PDE3A: variants seen among roughly 807,000 people sequenced by gnomAD.
The protein encoded by PDE3A is cGMP-inhibited 3',5'-cyclic phosphodiesterase 3A.
Under a neutral mutation model 98.3 loss-of-function variants are expected in PDE3A, and 43 were observed. That is an observed-to-expected ratio of 0.44 (90% CI 0.34 to 0.56). The LOEUF is 0.56. Ranked by LOEUF, PDE3A falls within the 20% of genes least tolerant of loss-of-function variation. PDE3A has a pLI of 0.01. For missense variants in PDE3A, 1,427 were observed against 1,440.7 expected (o/e 0.99, Z 0.15); for synonymous variants, 663 against 567.9 (o/e 1.17, Z -2.38).
At chr12:20,664,781 C>A (rs946546019) in intron 15 of PDE3A, among the ~76,000 whole-genome samples, 1 of 152,156 alleles carries the variant, frequency 6.6e-6, no homozygotes, top group Non-Finnish European at 1.5e-5. Context: ...TCCATTAAAC[C>A]TCTTTTTTCT....
chr12:20,526,721 ATTTT>A (rs11353817), intron 1 of PDE3A, among the ~76,000 whole-genome samples: 1 of 147,462 alleles, frequency 6.8e-6, no homozygotes, highest in African/African-American at 2.5e-5. Context: ...TCTTAAACTG[ATTTT>A]TTTTTTTTTA....
chr12:20,676,253 G>C (rs1945635805), intron 15 of PDE3A, among the ~76,000 whole-genome samples: 1 of 152,098 alleles, frequency 6.6e-6, no homozygotes, highest in Non-Finnish European at 1.5e-5. Flanking sequence ...TTCTTGTAGT[G>C]CTGGTCTAGT....
intron 15 of PDE3A, among the ~76,000 whole-genome samples, chr12:20,667,172 T>C (rs1261845310): frequency 1.3e-5 from 2 of 152,210 alleles, no homozygotes; most frequent in East Asian, 3.8e-4. Flanking sequence ...ATATTCTGGA[T>C]ATTAGTTCCT....
intron 1 of PDE3A, among the ~76,000 whole-genome samples, chr12:20,407,736 T>A (rs959723409): frequency 4.6e-5 from 7 of 152,172 alleles, no homozygotes; most frequent in African/African-American, 9.7e-5. Flanking sequence ...TAAATTTTTT[T>A]AAAAACTATT....
chr12:20,447,420 G>A (rs1042773352), intron 1 of PDE3A, among the ~76,000 whole-genome samples: 2 of 152,190 alleles, frequency 1.3e-5, no homozygotes, highest in Non-Finnish European at 2.9e-5. Flanking sequence ...TCAGGGGATT[G>A]GGACTTTCAG....
chr12:20,400,919 G>C (rs1944117879), intron 1 of PDE3A, among the ~76,000 whole-genome samples: 1 of 152,060 alleles, frequency 6.6e-6, no homozygotes, highest in South Asian at 2.1e-4. Flanking sequence ...CTTAAGATTA[G>C]AGGTATGTAT....
intron 15 of PDE3A, among the ~76,000 whole-genome samples, chr12:20,678,631 T>C (rs1945696526): frequency 6.6e-6 from 1 of 152,256 alleles, no homozygotes; most frequent in African/African-American, 2.4e-5. Context: ...GCTTGTTCTT[T>C]CAGCCTTGCT....
At chr12:20,380,391 A>G (rs74065068) in intron 1 of PDE3A, among the ~76,000 whole-genome samples, 3,411 of 151,936 alleles carry the variant, frequency 0.022, 76 homozygotes, top group Middle Eastern at 0.061. Context: ...AGAAGCTTAT[A>G]GGGTTTTATT....
chr12:20,436,297 C>CG (rs1944777997), intron 1 of PDE3A, among the ~76,000 whole-genome samples: 1 of 151,558 alleles, frequency 6.6e-6, no homozygotes, highest in South Asian at 2.1e-4. Flanking sequence ...CCTGGGAGAA[C>CG]GGGGGATTGG....
chr12:20,386,527 G>A (rs909431391), intron 1 of PDE3A, among the ~76,000 whole-genome samples: 9 of 151,400 alleles, frequency 5.9e-5, no homozygotes, highest in Non-Finnish European at 1.3e-4. Flanking sequence ...TTCTGGTAGA[G>A]TTGGGGTTTC....
intron 15 of PDE3A, among the ~76,000 whole-genome samples, chr12:20,678,375 T>C (rs1170753724): frequency 1.3e-5 from 2 of 152,174 alleles, no homozygotes; most frequent in Admixed American, 6.5e-5. Context: ...ACTCACTCCA[T>C]TGGTTCTTCT....
chr12:20,598,214 G>C (rs1451137617), intron 2 of PDE3A, among the ~76,000 whole-genome samples: 1 of 150,688 alleles, frequency 6.6e-6, no homozygotes, highest in Non-Finnish European at 1.5e-5. Context: ...ATGGAGTCTT[G>C]CTCTGTCTCC....
At chr12:20,398,395 A>G (rs1421911238) in intron 1 of PDE3A, among the ~76,000 whole-genome samples, 1 of 151,472 alleles carries the variant, frequency 6.6e-6, no homozygotes, top group Admixed American at 6.6e-5. Context: ...TGTGTCATCA[A>G]TTAATTCATT....
Position 20,635,051 on chromosome 12 carries a change from T to C in PDE3A, c.1996T>C (p.Phe666Leu), listed in dbSNP as rs749190237. ...CACCTATGCTCCTGAGACCATGATGTTTCTGGTAGTCCCATATCACTTAAC... is the reference window on the plus strand; with the variant it reads ...CACCTATGCTCCTGAGACCATGATGCTTCTGGTAGTCCCATATCACTTAAC... ...CSTYAPETMM[F>L]LDKPILAPEP... The change falls in exon 8 of 16, where the codon TTT becomes CTT. Residue 666 changes from phenylalanine to leucine, a missense_variant. Physicochemically the swap from Phe to Leu is conservative, Grantham distance 22. This residue lies in a region of PDE3A where 1,012 missense variants were observed against 886.5 expected (regional missense o/e 1.14). Coordinates refer to ENST00000359062, the MANE Select transcript of PDE3A (RefSeq NM_000921.5). The C allele has an allele frequency of 1.1e-5, 18 of 1,610,826 alleles. No homozygotes were observed. In the South Asian group the frequency reaches 1.7e-4, roughly 15 times the overall value.
chr12:20,412,308 T>C (rs1410510000), intron 1 of PDE3A, among the ~76,000 whole-genome samples: 1 of 152,204 alleles, frequency 6.6e-6, no homozygotes, highest in East Asian at 1.9e-4. Context: ...AAGCTTTTAT[T>C]GCATGATTGC....
intron 15 of PDE3A, among the ~76,000 whole-genome samples, chr12:20,677,947 T>A (rs1328020198): frequency 6.6e-6 from 1 of 151,396 alleles, no homozygotes; most frequent in Non-Finnish European, 1.5e-5. Context: ...TGTAAAATTT[T>A]GCTGGGGACA....
chr12:20,674,914 T>C (rs1421605721), intron 15 of PDE3A, among the ~76,000 whole-genome samples: 1 of 152,078 alleles, frequency 6.6e-6, no homozygotes, highest in Non-Finnish European at 1.5e-5. Context: ...CTTGACACAT[T>C]GTACTTTTTA....
At chr12:20,551,354 A>G (rs1261027831) in intron 1 of PDE3A, among the ~76,000 whole-genome samples, 1 of 152,106 alleles carries the variant, frequency 6.6e-6, no homozygotes, top group African/African-American at 2.4e-5. Context: ...CAAATACTCT[A>G]AAGTTTTATA....
intron 1 of PDE3A, among the ~76,000 whole-genome samples, chr12:20,476,283 C>A (rs1945529884): frequency 6.6e-6 from 1 of 152,050 alleles, no homozygotes; most frequent in Non-Finnish European, 1.5e-5. Context: ...AAATCAATGC[C>A]TTGGTAATAT....
Sources: gnomAD v4.1 joint callset for allele counts (sites outside exome capture counted in the v4.1 genomes callset) on GRCh38, gnomAD v4.1.1 for gene constraint, gnomAD v4.1.1 regional missense constraint, MANE v1.5 for transcripts, NCBI Gene and HGNC (gene_info 2026-07-23, HGNC 2026-07-21) for gene names.